CDH13: variants seen among roughly 807,000 people sequenced by gnomAD.
The protein encoded by CDH13 is cadherin-13.
A neutral mutation model predicts 63.8 loss-of-function variants in CDH13; 24 were observed. The ratio of observed to expected loss-of-function variants is 0.38; its 90% CI spans 0.27 to 0.53. The LOEUF is 0.53. Among genes scored for constraint, CDH13 ranks in the 20% least tolerant of loss-of-function variants. CDH13 has a pLI of 0.85. For synonymous variants in CDH13, 503 were observed against 355.3 expected, an observed-to-expected ratio of 1.42 and a Z score of -4.67; for missense variants, 1,049 against 903.1, an observed-to-expected ratio of 1.16 and a Z score of -2.07.
At position 83,467,911 on chromosome 16, in the gene CDH13, G is replaced by C. The variant is rs74032560; in HGVS notation, c.782-18566G>C. ...CAGTCCGTTTGACAGGGTGAATCAAGGCTTTCTGTCATGAGGCTTTCTGTG... is the reference window on the plus strand; with the variant it reads ...CAGTCCGTTTGACAGGGTGAATCAACGCTTTCTGTCATGAGGCTTTCTGTG... On this transcript the variant is annotated intron_variant, in intron 6 of 13. Coordinates refer to ENST00000567109, the MANE Select transcript of CDH13 (RefSeq NM_001257.5). 6.0e-3 allele frequency among the ~76,000 whole-genome samples: 909 copies of C among 152,302 alleles called. 7 individuals are homozygous for C. The highest frequency in any genetic ancestry group is 0.02 in the African/African-American group (850 of 41,568).
At chr16:82,682,016 G>A (rs1042253711) in intron 1 of CDH13, among the ~76,000 whole-genome samples, 2 of 152,170 alleles carry the variant, frequency 1.3e-5, no homozygotes, top group African/African-American at 4.8e-5. Flanking sequence ...TCCAAATCAG[G>A]TGGGGCTCTC....
At chr16:83,425,854 T>G (rs1324105724) in intron 6 of CDH13, among the ~76,000 whole-genome samples, 1 of 152,138 alleles carries the variant, frequency 6.6e-6, no homozygotes, top group African/African-American at 2.4e-5. Flanking sequence ...CAACAATTAT[T>G]TATAAGGGAC....
intron 1 of CDH13, among the ~76,000 whole-genome samples, chr16:82,659,362 G>C (rs778183236): frequency 6.6e-6 from 1 of 152,194 alleles, no homozygotes. Context: ...AGACGGCCTT[G>C]CCATTGAGAG....
intron 1 of CDH13, among the ~76,000 whole-genome samples, chr16:82,743,811 A>G (rs1288717361): frequency 6.6e-6 from 1 of 152,220 alleles, no homozygotes; most frequent in Non-Finnish European, 1.5e-5. Context: ...TGTATTTTTA[A>G]TACAAATATT....
At chr16:82,869,106 G>A (rs2040254375) in intron 2 of CDH13, among the ~76,000 whole-genome samples, 1 of 152,156 alleles carries the variant, frequency 6.6e-6, no homozygotes, top group Admixed American at 6.6e-5. Flanking sequence ...GAGTGCAGTG[G>A]CGCAATCTCA....
chr16:83,435,371 A>G (rs1047901444), intron 6 of CDH13, among the ~76,000 whole-genome samples: 2 of 152,094 alleles, frequency 1.3e-5, no homozygotes, highest in African/African-American at 2.4e-5. Context: ...TTAACGGTGT[A>G]GGCAAAATGA....
At chr16:83,191,520 CACACACACACATATAT>C (rs1365398870) in intron 4 of CDH13, among the ~76,000 whole-genome samples, 5 of 88,456 alleles carry the variant, frequency 5.7e-5, no homozygotes, top group African/African-American at 2.1e-4. Flanking sequence ...CACACACACA[CACACACACACATATAT>C]ATATATATAT....
chr16:83,256,541 G>T (rs1395766783), intron 5 of CDH13, among the ~76,000 whole-genome samples: 1 of 151,784 alleles, frequency 6.6e-6, no homozygotes, highest in African/African-American at 2.4e-5. Context: ...ACCTCAAGAA[G>T]TTTCCAGTGG....
At chr16:82,832,363 C>G (rs2151116024) in intron 1 of CDH13, among the ~76,000 whole-genome samples, 1 of 152,116 alleles carries the variant, frequency 6.6e-6, no homozygotes, top group East Asian at 1.9e-4. Flanking sequence ...TTGTCTTTTT[C>G]ATAGTTTTCA....
At chr16:83,390,302 G>T (rs1471334529) in intron 6 of CDH13, among the ~76,000 whole-genome samples, 1 of 152,094 alleles carries the variant, frequency 6.6e-6, no homozygotes, top group Non-Finnish European at 1.5e-5. Flanking sequence ...GTGGGCAGTG[G>T]TCTCAGCATG....
At chr16:83,028,597 C>T (rs147290695) in intron 2 of CDH13, among the ~76,000 whole-genome samples, 43 of 152,242 alleles carry the variant, frequency 2.8e-4, no homozygotes, top group African/African-American at 9.6e-4. Flanking sequence ...TACTACCCAA[C>T]CCTATATATG....
intron 1 of CDH13, among the ~76,000 whole-genome samples, chr16:82,853,797 G>C (rs1041155613): frequency 2.5e-4 from 38 of 152,284 alleles, no homozygotes; most frequent in Non-Finnish European, 8.8e-5. Context: ...ATGTCATAGA[G>C]TAAGACTATG....
At chr16:82,929,233 G>T (rs2042399871) in intron 2 of CDH13, among the ~76,000 whole-genome samples, 1 of 152,150 alleles carries the variant, frequency 6.6e-6, no homozygotes, top group Admixed American at 6.5e-5. Context: ...ATGTGATGGT[G>T]TCTGGAGGTA....
intron 7 of CDH13, among the ~76,000 whole-genome samples, chr16:83,576,602 C>A (rs557879562): frequency 6.6e-6 from 1 of 152,168 alleles, no homozygotes; most frequent in Admixed American, 6.5e-5. Flanking sequence ...AGCAGTGATA[C>A]CATTTTATAT....
chr16:82,845,974 A>G (rs1194693993), intron 1 of CDH13, among the ~76,000 whole-genome samples: 1 of 152,226 alleles, frequency 6.6e-6, no homozygotes, highest in Admixed American at 6.5e-5. Flanking sequence ...CATTTAGACA[A>G]AAATTGTGAT....
chr16:83,118,564 C>G (rs2035419491), intron 3 of CDH13, among the ~76,000 whole-genome samples: 1 of 152,202 alleles, frequency 6.6e-6, no homozygotes, highest in Non-Finnish European at 1.5e-5. Flanking sequence ...ATTACTCACT[C>G]CTGATACAGA....
intron 5 of CDH13, among the ~76,000 whole-genome samples, chr16:83,299,866 G>A (rs1329783343): frequency 6.6e-6 from 1 of 152,160 alleles, no homozygotes; most frequent in Non-Finnish European, 1.5e-5. Flanking sequence ...GTCTCCTCAT[G>A]GCTTAGCTCT....
At chr16:82,721,914 G>A (rs1439811009) in intron 1 of CDH13, among the ~76,000 whole-genome samples, 1 of 152,100 alleles carries the variant, frequency 6.6e-6, no homozygotes, top group African/African-American at 2.4e-5. Context: ...AGTGGGAATG[G>A]AAGGACCTGA....
intron 6 of CDH13, among the ~76,000 whole-genome samples, chr16:83,435,005 A>G (rs2151488279): frequency 6.8e-6 from 1 of 148,138 alleles, no homozygotes; most frequent in Non-Finnish European, 1.5e-5. Flanking sequence ...ATATGTATAT[A>G]TATACACACA....
Sources: allele counts gnomAD v4.1 joint callset (sites outside exome capture counted in the v4.1 genomes callset), GRCh38; gene constraint gnomAD v4.1.1; transcripts MANE v1.5; gene names NCBI Gene and HGNC (gene_info 2026-07-23, HGNC 2026-07-21).